TEX15: variants seen among roughly 807,000 people sequenced by gnomAD.
TEX15 encodes the protein testis expressed 15, meiosis and synapsis associated.
Under a neutral mutation model 237.3 loss-of-function variants are expected in TEX15, and 171 were observed. The ratio of observed to expected loss-of-function variants is 0.72; its 90% CI spans 0.64 to 0.82. The LOEUF is 0.82. TEX15 is among the 40% of genes least tolerant of loss of function. The pLI is 0.00. For missense variants in TEX15, 3,750 were observed against 3,646.5 expected (o/e 1.03, Z -0.73); for synonymous variants, 1,338 against 1,269.8 (o/e 1.05, Z -1.14).
At position 30,836,839 on chromosome 8, in the gene TEX15, T is replaced by G; in HGVS notation, c.9445A>C (p.Asn3149His). The G allele has an allele frequency of 1.2e-6, 2 of 1,611,146 alleles. No individual in the cohort carries two copies. Among genetic ancestry groups the G allele is most frequent in the Non-Finnish European group, 1.7e-6 (2 of 1,178,918 alleles). The change falls in exon 10 of 11, where the codon AAT becomes CAT. Residue 3149 changes from asparagine to histidine, a missense_variant. Asn to His is a moderately conservative substitution (Grantham distance 68). Transcript: ENST00000643185. ...LPQATYPYLPNRFVPPEVPWV... is the reference protein window; with the variant it reads ...LPQATYPYLPHRFVPPEVPWV... ...GGAACTTCTGGAGGCACAAATCGAT[T>G]AGGAAGGTAAGGGTATGTAGCTTGT...
intron 2 of TEX15, among the ~76,000 whole-genome samples, chr8:30,898,117 G>C (rs1334667518): frequency 6.6e-6 from 1 of 152,016 alleles, no homozygotes; most frequent in African/African-American, 2.4e-5. Context: ...ATTATGTACG[G>C]GACAATATTC....
At chr8:30,869,769 C>T (rs1198002618) in intron 4 of TEX15, among the ~76,000 whole-genome samples, 1 of 151,934 alleles carries the variant, frequency 6.6e-6, no homozygotes, top group Admixed American at 6.6e-5. Flanking sequence ...CTCAAAAACC[C>T]GGTATCATAG....
chr8:30,884,225 G>A (rs536170008), intron 3 of TEX15, among the ~76,000 whole-genome samples: 51 of 152,254 alleles, frequency 3.3e-4, no homozygotes, highest in African/African-American at 1.2e-3. Context: ...TGCGTGAGAT[G>A]GTATCTCATC....
At chr8:30,851,073 C>A (rs779584722) in intron 7 of TEX15, among the ~76,000 whole-genome samples, 1 of 152,076 alleles carries the variant, frequency 6.6e-6, no homozygotes, top group African/African-American at 2.4e-5. Flanking sequence ...CAGTATTCAT[C>A]GATATGTTAT....
At chr8:30,883,314 C>A (rs534460503) in intron 3 of TEX15, among the ~76,000 whole-genome samples, 1 of 152,116 alleles carries the variant, frequency 6.6e-6, no homozygotes, top group Non-Finnish European at 1.5e-5. Flanking sequence ...GATTCAGAGA[C>A]CACAGCTGAA....
intron 1 of TEX15, among the ~76,000 whole-genome samples, chr8:30,908,573 G>A (rs375663961): frequency 2.6e-5 from 4 of 152,148 alleles, no homozygotes; most frequent in East Asian, 3.9e-4. Context: ...CCACAGAGTG[G>A]AGAACACTGC....
chr8:30,848,587 G>A lies in TEX15; in HGVS notation c.1580C>T (p.Thr527Ile), dbSNP rs748888998. 2.0e-5 allele frequency: 33 copies of A among 1,613,966 alleles called. No homozygotes were observed. In the Admixed American group the frequency reaches 3.7e-4, roughly 18 times the overall value. ...TTGGTCCTTACATTGCCCTGCCATG[G>A]TAACTTTATTGGGAGGTATACAGTC... ...DYDCIPPNKV[T>I]MAGQCKDQGN... The change falls in exon 8 of 11, where the codon ACC becomes ATC. Residue 527 changes from threonine to isoleucine, a missense_variant. Thr to Ile is a moderately conservative substitution (Grantham distance 89). Transcript: ENST00000643185.
chr8:30,844,934 C>T lies in TEX15; in HGVS notation c.5233G>A (p.Val1745Ile). 2.5e-6 allele frequency: 4 copies of T among 1,613,486 alleles called. No homozygotes were observed. The highest frequency in any genetic ancestry group is 3.4e-6 in the Non-Finnish European group (4 of 1,179,552). The change falls in exon 8 of 11, where the codon GTA (valine) becomes ATA (isoleucine). Residue 1745 changes from valine (V) to isoleucine (I), a missense_variant. Transcript: ENST00000643185. ...SYLDKQRILT[V>I]DSFAASSTVP... The stretch of plus-strand genomic sequence containing the variant: ...GTACTGGATGCTGCAAAAGAATCTA[C>T]AGTAAGAATTCTCTGCTTATCCAAG...
chr8:30,843,547 T>A lies in TEX15; in HGVS notation c.6620A>T (p.Asp2207Val), dbSNP rs778021151. 1 of 1,613,128 alleles carries A rather than the reference T, an allele frequency of 6.2e-7. No individual in the cohort carries two copies. The highest frequency in any genetic ancestry group is 1.1e-5 in the South Asian group (1 of 91,024). The change falls in exon 8 of 11, where the codon GAC becomes GTC. Residue 2207 changes from aspartate (D) to valine (V), a missense_variant. Asp to Val is a radical substitution (Grantham distance 152). Coordinates refer to ENST00000643185, the MANE Select transcript of TEX15 (RefSeq NM_001350162.2). ...CGVNFGDSLE[D>V]LEILRKSTLK... The stretch of plus-strand genomic sequence containing the variant: ...AGTACTTTTTCTTAAGATTTCCAGG[T>A]CTTCTAAACTATCTCCAAAGTTAAC...
intron 7 of TEX15, among the ~76,000 whole-genome samples, chr8:30,857,001 G>GT (rs1328195304): frequency 1.9e-4 from 29 of 152,280 alleles, no homozygotes; most frequent in Non-Finnish European, 3.7e-4. Context: ...AGTTATATAG[G>GT]TATTAGTATT....
chr8:30,853,551 ATAAG>A (rs1168901838), intron 7 of TEX15, among the ~76,000 whole-genome samples: 1 of 152,254 alleles, frequency 6.6e-6, no homozygotes, highest in Non-Finnish European at 1.5e-5. Context: ...TATTGGTATT[ATAAG>A]TAATATAGAG....
At chr8:30,853,605 G>A (rs1807837597) in intron 7 of TEX15, among the ~76,000 whole-genome samples, 1 of 152,102 alleles carries the variant, frequency 6.6e-6, no homozygotes, top group African/African-American at 2.4e-5. Flanking sequence ...TAGGTTATAT[G>A]CAAATATTGA....
rs1808011756 is a variant in TEX15, at chr8:30,860,074, C to T, written c.541-17G>A. On this transcript the variant is annotated splice_polypyrimidine_tract_variant and intron_variant, in intron 5 of 10. Coordinates refer to ENST00000643185, the MANE Select transcript of TEX15 (RefSeq NM_001350162.2). ...AAAGAGAACCTAAAAAAAAAAAAGC[C>T]AAAAAAAAAGTACGTAAAAATATAC... The T allele has an allele frequency of 1.5e-6, 2 of 1,373,364 alleles. No homozygotes were observed. Among genetic ancestry groups the T allele is most frequent in the Non-Finnish European group, 1.9e-6 (2 of 1,050,134 alleles). The allele number at this position is 1,373,364 out of a possible 1,614,324, so 85.1% of individuals were successfully genotyped here.
intron 2 of TEX15, among the ~76,000 whole-genome samples, chr8:30,891,498 T>TC (rs1300519660): frequency 6.6e-6 from 1 of 151,770 alleles, no homozygotes; most frequent in African/African-American, 2.4e-5. Context: ...CTTTTTTTTT[T>TC]CGACAATGTC....
chr8:30,848,694 A>G lies in TEX15; in HGVS notation c.1473T>C (p.Thr491=), dbSNP rs1238422114. The change falls in exon 8 of 11, where the codon ACT becomes ACC. Residue 491 remains threonine, a synonymous_variant. Coordinates refer to ENST00000643185, the MANE Select transcript of TEX15 (RefSeq NM_001350162.2). ...TAAAGCAAGGGGTATCCAAACCATT[A>G]GTAAGAACAGCACAATCACCAGGGA... The part of the protein sequence containing the change: ...EVVPGDCAVL[T]NGLDTPCFKT... 1.2e-6 allele frequency: 2 copies of G among 1,614,118 alleles called. No individual in the cohort carries two copies. The highest frequency in any genetic ancestry group is 2.7e-5 in the African/African-American group (2 of 74,944).
At chr8:30,835,152 TG>T (rs1255788627) in intron 10 of TEX15, among the ~76,000 whole-genome samples, 1 of 152,070 alleles carries the variant, frequency 6.6e-6, no homozygotes, top group Non-Finnish European at 1.5e-5. Flanking sequence ...TCACACAGGC[TG>T]GAGTGCAGTG....
intron 7 of TEX15, among the ~76,000 whole-genome samples, chr8:30,850,903 G>C (rs982903410): frequency 1.3e-5 from 2 of 151,850 alleles, no homozygotes; most frequent in Non-Finnish European, 2.9e-5. Context: ...AACACAAAAA[G>C]ATGCCCCAAC....
Position 30,848,754 on chromosome 8 carries a change from C to T in TEX15, c.1413G>A (p.Ser471=). The T allele has an allele frequency of 3.1e-6, 5 of 1,614,104 alleles. No homozygotes were observed. Among genetic ancestry groups the T allele is most frequent in the South Asian group, 1.1e-5 (1 of 91,066 alleles). Residue 471 remains serine, a synonymous_variant, in exon 8 of 11, where the codon TCG becomes TCA. Coordinates refer to ENST00000643185, the MANE Select transcript of TEX15 (RefSeq NM_001350162.2). ...AGGAGGAGGCAGAATTAGATGGTGT[C>T]GATTTTATTTCTGAATTAACATTAT... ...SSDNVNSEIK[S]TPSNSASSSE...
At chr8:30,870,237 T>C (rs1011918735) in intron 4 of TEX15, among the ~76,000 whole-genome samples, 2 of 151,992 alleles carry the variant, frequency 1.3e-5, no homozygotes. Flanking sequence ...GTGGATGAAA[T>C]AGAATTGGAA....
Sources: gnomAD v4.1 joint callset for allele counts (sites outside exome capture counted in the v4.1 genomes callset) on GRCh38, gnomAD v4.1.1 for gene constraint, MANE v1.5 for transcripts, NCBI Gene and HGNC (gene_info 2026-07-23, HGNC 2026-07-21) for gene names.